The following TUT4 variants were observed in gnomAD, a reference collection of about 807,000 sequenced individuals.
The protein encoded by TUT4 is terminal uridylyltransferase 4.
TUT4 carries 36 observed loss-of-function variants against 192.2 expected under a neutral mutation model. The observed-to-expected ratio is 0.19, with a 90% CI of 0.14 to 0.25. TUT4 has a LOEUF of 0.25. Among genes scored for constraint, TUT4 ranks in the 10% least tolerant of loss-of-function variants. The pLI, the probability that TUT4 is intolerant of heterozygous loss-of-function variation, is 1.00. For missense variants in TUT4, 1,493 were observed against 1,957.2 expected, an observed-to-expected ratio of 0.76 and a Z score of 4.47; for synonymous variants, 618 against 666.0, an observed-to-expected ratio of 0.93 and a Z score of 1.11.
At chr1:52,518,065 A>C (rs1354728726) in intron 2 of TUT4, among the ~76,000 whole-genome samples, 1 of 152,260 alleles carries the variant, frequency 6.6e-6, no homozygotes, top group Non-Finnish European at 1.5e-5. Flanking sequence ...ATTGTGTTCC[A>C]AAAACAATAG....
intron 9 of TUT4, among the ~76,000 whole-genome samples, chr1:52,482,694 A>G (rs1261395848): frequency 6.6e-6 from 1 of 152,118 alleles, no homozygotes; most frequent in African/African-American, 2.4e-5. Context: ...TCGGCCTCCC[A>G]AAGTTCTGGG....
At chr1:52,455,582 A>T (rs1374995078) in intron 20 of TUT4, among the ~76,000 whole-genome samples, 1 of 135,760 alleles carries the variant, frequency 7.4e-6, no homozygotes, top group Non-Finnish European at 1.6e-5. Flanking sequence ...CAGCCCGGGC[A>T]GCAACAGGAG....
intron 9 of TUT4, among the ~76,000 whole-genome samples, chr1:52,483,987 T>C (rs1165845949): frequency 1.3e-5 from 2 of 152,026 alleles, no homozygotes; most frequent in Admixed American, 1.3e-4. Context: ...TCTAAAAATA[T>C]ATATAATTGA....
In TUT4 at chr1:52,490,796, A is replaced by G. The variant is rs776361759; in HGVS notation, c.1324T>C (p.Tyr442His). The change falls in exon 8 of 30, where the codon TAT becomes CAT. Residue 442 changes from tyrosine (Y) to histidine (H), a missense_variant. This residue lies in a region of TUT4 where 437 missense variants were observed against 577.6 expected (regional missense o/e 0.76). Transcript: ENST00000257177. ...TGAAAATCAGATTCCACATCTACAT[A>G]TAATACTAATAAGGAAAAAAAAAAG... ...VLGILKKNVL[Y>H]VDVESDFHAK... The G allele has an allele frequency of 6.2e-7, 1 of 1,609,640 alleles. No individual in the cohort carries two copies.
chr1:52,495,337 A>C (rs916573947), intron 6 of TUT4, 90 bp downstream of exon 6: 1 of 758,128 alleles, frequency 1.3e-6, no homozygotes, highest in African/African-American at 1.8e-5. Context: ...CCAGAGTTTT[A>C]TATTTCCCTA....
chr1:52,468,468 C>A, intron 14 of TUT4: 1 of 472,162 alleles, frequency 2.1e-6, no homozygotes. Context: ...TTTTAGCAAC[C>A]CAGGGGAAGA....
chr1:52,444,148 C>G (rs185937068), intron 24 of TUT4, among the ~76,000 whole-genome samples: 3 of 152,034 alleles, frequency 2.0e-5, no homozygotes, highest in Non-Finnish European at 2.9e-5. Context: ...GCAGGAGGAT[C>G]GCTTGAATCC....
intron 1 of TUT4, among the ~76,000 whole-genome samples, chr1:52,545,372 C>T (rs1687797119): frequency 7.0e-6 from 1 of 142,520 alleles, no homozygotes; most frequent in African/African-American, 2.7e-5. Flanking sequence ...GAGTAAGACT[C>T]TGTCTCAAAA....
At chr1:52,514,372 T>C (rs1678126714) in intron 3 of TUT4, among the ~76,000 whole-genome samples, 1 of 151,984 alleles carries the variant, frequency 6.6e-6, no homozygotes, top group South Asian at 2.1e-4. Context: ...ACCCAGGAGG[T>C]AGAGGTTGCA....
intron 26 of TUT4, 90 bp downstream of exon 26, chr1:52,436,665 G>A: frequency 1.9e-6 from 3 of 1,561,156 alleles, no homozygotes; most frequent in Admixed American, 3.8e-5. Flanking sequence ...AATTAGGTTT[G>A]CAACAGAGAG....
At chr1:52,424,157 AATG>A in intron 29 of TUT4, 155 bp from the exon 30 acceptor site, 3 of 700,404 alleles carry the variant, frequency 4.3e-6, no homozygotes, top group South Asian at 1.9e-5. Flanking sequence ...TGGGGAGAAA[AATG>A]AAGAAGGGAA....
At chr1:52,552,800 G>A (rs941912835) in intron 1 of TUT4, 131 bp downstream of exon 1, 1 of 152,340 alleles carries the variant, frequency 6.6e-6, no homozygotes, top group Non-Finnish European at 1.5e-5. Context: ...GGGGGCGGCT[G>A]AGACGCTCTC....
chr1:52,448,925 A>G (rs1658453200), intron 20 of TUT4, among the ~76,000 whole-genome samples: 1 of 152,192 alleles, frequency 6.6e-6, no homozygotes, highest in Non-Finnish European at 1.5e-5. Flanking sequence ...ACGTTGGCTG[A>G]TAACACAGTG....
chr1:52,433,474 T>C (rs1652744995), intron 27 of TUT4: 1 of 152,048 alleles, frequency 6.6e-6, no homozygotes, highest in East Asian at 1.9e-4. Context: ...CAACGAGATA[T>C]AAAACACAGG....
At chr1:52,509,514 T>A in intron 4 of TUT4, 82 bp downstream of exon 4, 9 of 859,732 alleles carry the variant, frequency 1.0e-5, no homozygotes, top group Non-Finnish European at 1.4e-5. Context: ...AATATTTCAT[T>A]TTTAGTTTCA....
intron 27 of TUT4, 153 bp from the exon 28 acceptor site, chr1:52,431,613 C>T: frequency 1.7e-6 from 1 of 582,768 alleles, no homozygotes; most frequent in Non-Finnish European, 2.6e-6. Flanking sequence ...TACTCAAACC[C>T]CCTTTTCAAG....
chr1:52,459,247 C>G (rs1443858805), intron 19 of TUT4, among the ~76,000 whole-genome samples: 1 of 151,530 alleles, frequency 6.6e-6, no homozygotes, highest in Non-Finnish European at 1.5e-5. Flanking sequence ...GATAGCACCA[C>G]TGCACTCCAG....
intron 1 of TUT4, among the ~76,000 whole-genome samples, chr1:52,536,039 A>G (rs1684810076): frequency 6.6e-6 from 1 of 152,272 alleles, no homozygotes; most frequent in Non-Finnish European, 1.5e-5. Context: ...ACAATAATTC[A>G]AATCCATAAC....
At chr1:52,498,068 CACTA>C (rs971971359) in intron 4 of TUT4, among the ~76,000 whole-genome samples, 1 of 152,140 alleles carries the variant, frequency 6.6e-6, no homozygotes, top group African/African-American at 2.4e-5. Flanking sequence ...TTTCTATTTT[CACTA>C]ACTGTTACCA....
Sources: allele counts gnomAD v4.1 joint callset (sites outside exome capture counted in the v4.1 genomes callset), GRCh38; gene constraint gnomAD v4.1.1; regional missense constraint gnomAD v4.1.1; transcripts MANE v1.5; gene names NCBI Gene and HGNC (gene_info 2026-07-23, HGNC 2026-07-21).